YJU2B: variants seen among roughly 807,000 people sequenced by gnomAD.
YJU2B encodes the protein probable splicing factor YJU2B.
In YJU2B, 18 loss-of-function variants were observed where a neutral mutation model predicts 38.0. That is an observed-to-expected ratio of 0.47 (90% CI 0.33 to 0.70). YJU2B has a LOEUF of 0.70. Ranked by LOEUF, YJU2B falls within the 30% of genes least tolerant of loss-of-function variation. YJU2B has a pLI of 0.02. For missense variants in YJU2B, 538 were observed against 556.3 expected, an observed-to-expected ratio of 0.97 and a Z score of 0.33; for synonymous variants, 246 against 225.4, an observed-to-expected ratio of 1.09 and a Z score of -0.82.
upstream of YJU2B, among the ~76,000 whole-genome samples, chr19:13,744,069 T>C (rs1227153142): frequency 6.6e-6 from 1 of 151,062 alleles, no homozygotes; most frequent in African/African-American, 2.4e-5. Flanking sequence ...CAGGTGCCTG[T>C]AATCCCAGCT....
Position 13,756,232 on chromosome 19 carries a change from G to C in YJU2B, c.93G>C (p.Pro31=). The change falls in exon 4 of 10, where the codon CCG becomes CCC. Residue 31 remains proline (P), a synonymous_variant. Coordinates refer to ENST00000221554, the MANE Select transcript of YJU2B (RefSeq NM_030818.4). ...GSLNRYHNSH[P]LRERARKLSQ... ...TCAACCGATACCACAACAGCCACCC[G>C]CTTCGGGAGCGGGCTCGGAAGCTGT... 6.2e-7 allele frequency: 1 copy of C among 1,614,034 alleles called. No homozygotes were observed. The highest frequency in any genetic ancestry group is 8.5e-7 in the Non-Finnish European group (1 of 1,180,014).
chr19:13,742,407 A>G (rs1281927625), intron 2 of YJU2B, among the ~76,000 whole-genome samples: 1 of 147,788 alleles, frequency 6.8e-6, no homozygotes, highest in Non-Finnish European at 1.5e-5. Context: ...GGTTCAAGCG[A>G]TTCTCCTGCC....
chr19:13,762,855 C>G lies in YJU2B; in HGVS notation c.978C>G (p.Ala326=), dbSNP rs1317258764. 1 of 1,607,540 alleles carries G rather than the reference C, an allele frequency of 6.2e-7. No homozygotes were observed. Among genetic ancestry groups the G allele is most frequent in the Non-Finnish European group, 8.5e-7 (1 of 1,177,794 alleles). The change falls in exon 10 of 10, where the codon GCC becomes GCG. Residue 326 remains alanine (A), a synonymous_variant. Coordinates refer to ENST00000221554, the MANE Select transcript of YJU2B (RefSeq NM_030818.4). ...AACCGCGGGTACCAGAGGAGGCTGCCCAGGACCGGCCCATGTCCCCCGGAG... is the reference window on the plus strand; with the variant it reads ...AACCGCGGGTACCAGAGGAGGCTGCGCAGGACCGGCCCATGTCCCCCGGAG... ...SGEPRVPEEA[A]QDRPMSPGDC...
chr19:13,760,402 A>G (rs1376224838), intron 8 of YJU2B, among the ~76,000 whole-genome samples: 2 of 152,088 alleles, frequency 1.3e-5, no homozygotes, highest in African/African-American at 4.8e-5. Context: ...TATAAGTCCA[A>G]TAATCTCATT....
At position 13,762,846 on chromosome 19, in the gene YJU2B, G is replaced by A. The variant is rs754010983; in HGVS notation, c.969G>A (p.Glu323=). 2 of 1,607,154 alleles carry A rather than the reference G, an allele frequency of 1.2e-6. No homozygotes were observed. Among genetic ancestry groups the A allele is most frequent in the Non-Finnish European group, 1.7e-6 (2 of 1,177,572 alleles). ...AGTCTGGGGAACCGCGGGTACCAGA[G>A]GAGGCTGCCCAGGACCGGCCCATGT... ...TPKSGEPRVP[E]EAAQDRPMSP... is the part of the protein sequence containing the mutation. Residue 323 remains glutamate (E), a synonymous_variant, in exon 10 of 10, where the codon GAG becomes GAA. Coordinates refer to ENST00000221554, the MANE Select transcript of YJU2B (RefSeq NM_030818.4).
At chr19:13,746,287 G>T (rs2053814), upstream of YJU2B, among the ~76,000 whole-genome samples, 45,236 of 151,706 alleles carry the variant, frequency 0.3, 7,154 homozygotes, top group Middle Eastern at 0.52. Flanking sequence ...ATTCACCTGT[G>T]CAGAAGGCAG....
chr19:13,757,735 G>A (rs977197184), intron 5 of YJU2B, 51 bp from the exon 6 acceptor site: 5 of 1,578,996 alleles, frequency 3.2e-6, no homozygotes, highest in Non-Finnish European at 4.4e-6. Context: ...TTACCCATCT[G>A]CAAAATTCAG....
intron 8 of YJU2B, among the ~76,000 whole-genome samples, chr19:13,760,701 T>C (rs572187053): frequency 5.9e-5 from 9 of 152,086 alleles, no homozygotes; most frequent in African/African-American, 2.2e-4. Context: ...CAAGCAATCC[T>C]CCCCACTAAG....
chr19:13,751,338 C>A (rs554269811), intron 1 of YJU2B, among the ~76,000 whole-genome samples: 28 of 152,184 alleles, frequency 1.8e-4, no homozygotes, highest in African/African-American at 6.0e-4. Context: ...TCACTTGAAC[C>A]CAGGAGGTGG....
In YJU2B at chr19:13,763,237, G is replaced by A; in HGVS notation, c.*169G>A. The A allele has an allele frequency of 1.8e-6, 1 of 570,766 alleles. No individual in the cohort carries two copies. Among genetic ancestry groups the A allele is most frequent in the Admixed American group, 3.5e-5 (1 of 28,846 alleles). 35.4% of individuals were successfully genotyped at this position (570,766 alleles called of 1,614,324 possible). A position where few individuals can be genotyped will look rare whatever the true frequency, so the allele number is the denominator to read the frequency against. ...ACCGTGGAGTTATTTATTTGGTCCTGGTGAGGGTGTTTGTGCCTTGTGAGA... is the reference window on the plus strand; with the variant it reads ...ACCGTGGAGTTATTTATTTGGTCCTAGTGAGGGTGTTTGTGCCTTGTGAGA... On this transcript the variant is annotated 3_prime_UTR_variant, in exon 10 of 10. Transcript: ENST00000221554.
At chr19:13,732,606 C>CTT (rs1427730486) in intron 2 of YJU2B, 5 of 113,784 alleles carry the variant, frequency 4.4e-5, no homozygotes, top group Admixed American at 9.2e-5. Context: ...TGCATACTTT[C>CTT]TTTCTTTTTT....
At chr19:13,740,641 A>G (rs906089904) in intron 2 of YJU2B, among the ~76,000 whole-genome samples, 4 of 152,004 alleles carry the variant, frequency 2.6e-5, no homozygotes, top group East Asian at 1.9e-4. Flanking sequence ...AGTTCAAGCA[A>G]TTCTCCTGCC....
At chr19:13,754,508 G>A (rs186339688) in intron 3 of YJU2B, among the ~76,000 whole-genome samples, 166 bp downstream of exon 3, 1 of 152,200 alleles carries the variant, frequency 6.6e-6, no homozygotes, top group Non-Finnish European at 1.5e-5. Flanking sequence ...TGATAACTGT[G>A]GCTCTCCTCA....
exon 1 of YJU2B, chr19:13,731,925 T>G (rs1206427109): frequency 6.6e-6 from 1 of 152,252 alleles, no homozygotes; most frequent in Non-Finnish European, 1.5e-5. Flanking sequence ...GACCATCGCC[T>G]TCCAGGGTAG....
Position 13,762,359 on chromosome 19 carries a change from A to AG in YJU2B, c.635dup (p.Ser212ArgfsTer13). The AG allele has an allele frequency of 6.2e-7, 1 of 1,614,004 alleles. No individual in the cohort carries two copies. Among genetic ancestry groups the AG allele is most frequent in the East Asian group, 2.2e-5 (1 of 44,878 alleles). ...AGACCAGGCCTTGCAGGCCAAGGCG[A>AG]GCCTGACCATCCCGCTGGTGCCCGA... On this transcript the variant is annotated frameshift_variant, in exon 9 of 10. Transcript: ENST00000221554. LOFTEE classifies it high-confidence loss of function.
rs1451190984 is a variant in YJU2B, at chr19:13,759,603, TA to T, written c.573+334del. On this transcript the variant is annotated intron_variant, in intron 8 of 9. Coordinates refer to ENST00000221554, the MANE Select transcript of YJU2B (RefSeq NM_030818.4). Reference sequence around the variant, plus strand: ...CACCCCCCCCCTCCCCCAGCATCTCTAAATAAATAAATAATAGAAATTAATT... The same window carrying T: ...CACCCCCCCCCTCCCCCAGCATCTCTAATAAATAAATAATAGAAATTAATT... 1.6e-5 allele frequency: 3 copies of T among 189,500 alleles called. No individual in the cohort carries two copies. The East Asian group carries it at 3.5e-4, about 22-fold the overall frequency. 11.7% of individuals were successfully genotyped at this position (189,500 alleles called of 1,614,324 possible).
intron 4 of YJU2B, 59 bp from the exon 5 acceptor site, chr19:13,757,359 G>A: frequency 6.8e-7 from 1 of 1,468,174 alleles, no homozygotes. Context: ...TCGCAGGTGT[G>A]GAGACCCAGG....
At chr19:13,744,444 A>G (rs1485511214), upstream of YJU2B, among the ~76,000 whole-genome samples, 1 of 152,218 alleles carries the variant, frequency 6.6e-6, no homozygotes, top group African/African-American at 2.4e-5. Flanking sequence ...TTTAATTTCT[A>G]TAGGGAAACC....
chr19:13,750,664 G>A (rs1364861870), intron 1 of YJU2B, among the ~76,000 whole-genome samples: 1 of 151,794 alleles, frequency 6.6e-6, no homozygotes, highest in Non-Finnish European at 1.5e-5. Context: ...GTTCCAGACT[G>A]GCCTGGTCAA....
Sources: allele counts gnomAD v4.1 joint callset (sites outside exome capture counted in the v4.1 genomes callset), GRCh38; gene constraint gnomAD v4.1.1; transcripts MANE v1.5; gene names NCBI Gene and HGNC (gene_info 2026-07-23, HGNC 2026-07-21).